The following DIDO1 variants were observed in gnomAD, a reference collection of about 807,000 sequenced individuals.
DIDO1 encodes the protein death inducer-obliterator 1.
DIDO1 carries 16 observed loss-of-function variants against 99.4 expected under a neutral mutation model. The ratio of observed to expected loss-of-function variants is 0.16; its 90% CI spans 0.11 to 0.24. The LOEUF (loss-of-function observed/expected upper bound fraction) is 0.24, where lower values mean the gene tolerates loss of function less well. Ranked by LOEUF, DIDO1 falls within the 10% of genes least tolerant of loss-of-function variation. The pLI is 1.00. For missense variants in DIDO1, 2,996 were observed against 3,014.0 expected, an observed-to-expected ratio of 0.99 and a Z score of 0.14; for synonymous variants, 1,366 against 1,239.1, an observed-to-expected ratio of 1.10 and a Z score of -2.15.
intron 4 of DIDO1, among the ~76,000 whole-genome samples, chr20:62,909,435 G>A (rs1019643553): frequency 2.0e-5 from 3 of 152,222 alleles, no homozygotes; most frequent in Non-Finnish European, 2.9e-5. Flanking sequence ...ATTCCTTTCT[G>A]CTAATGCATA....
intron 6 of DIDO1, chr20:62,905,275 G>A: frequency 1.5e-6 from 2 of 1,371,712 alleles, no homozygotes; most frequent in Non-Finnish European, 1.9e-6. Context: ...CTATGAAGCA[G>A]GAGTGTGTGG....
chr20:62,935,601 A>G (rs1443206273), intron 1 of DIDO1, among the ~76,000 whole-genome samples: 3 of 152,198 alleles, frequency 2.0e-5, no homozygotes, highest in Non-Finnish European at 4.4e-5. Context: ...TAGGGCCCAG[A>G]CTGAGAGCAC....
chr20:62,888,970 G>A, intron 15 of DIDO1: 3 of 985,480 alleles, frequency 3.0e-6, no homozygotes, highest in Non-Finnish European at 3.6e-6. Flanking sequence ...CTTGCCCTGT[G>A]TTACTTTACC....
intron 15 of DIDO1, among the ~76,000 whole-genome samples, chr20:62,885,415 C>T (rs746250802): frequency 6.6e-5 from 10 of 152,180 alleles, no homozygotes; most frequent in Non-Finnish European, 1.2e-4. Context: ...TACGTGGTCC[C>T]GTCTCGTGGT....
chr20:62,919,678 AC>A (rs1216871574), intron 1 of DIDO1, among the ~76,000 whole-genome samples: 1 of 152,244 alleles, frequency 6.6e-6, no homozygotes, highest in Non-Finnish European at 1.5e-5. Flanking sequence ...ATACGCGGAG[AC>A]AAAAAGCAAA....
chr20:62,906,955 T>C (rs1446798643), intron 5 of DIDO1, among the ~76,000 whole-genome samples, 192 bp downstream of exon 5: 1 of 152,216 alleles, frequency 6.6e-6, no homozygotes, highest in African/African-American at 2.4e-5. Flanking sequence ...GCACTTGTGT[T>C]AATTAACCCC....
Position 62,896,557 on chromosome 20 carries a change from G to A in DIDO1, c.2028C>T (p.Arg676=), listed in dbSNP as rs905779381. Residue 676 remains arginine (R), a synonymous_variant, in exon 7 of 16, where the codon CGC becomes CGT. Transcript: ENST00000395343. The surrounding 1 kb of genome is among the most constrained non-coding windows in gnomAD (Gnocchi z 4.4). ...PNSQIRQNIR[R]SLKEILWKRV... ...TTTTCCACAAAATCTCTTTTAAGGA[G>A]CGTCTGATATTTTGCCGAATTTGTG... 1 of 1,591,284 alleles carries A rather than the reference G, an allele frequency of 6.3e-7. No homozygotes were observed. Among genetic ancestry groups the A allele is most frequent in the Non-Finnish European group, 8.5e-7 (1 of 1,169,810 alleles).
chr20:62,909,786 C>T lies in DIDO1; in HGVS notation c.1074G>A (p.Gln358=). 6.2e-7 allele frequency: 1 copy of T among 1,614,272 alleles called. No homozygotes were observed. Among genetic ancestry groups the T allele is most frequent in the Non-Finnish European group, 8.5e-7 (1 of 1,180,046 alleles). The change falls in exon 4 of 16, where the codon CAG becomes CAA. Residue 358 remains glutamine (Q), a synonymous_variant. Coordinates refer to ENST00000395343, the MANE Select transcript of DIDO1 (RefSeq NM_001193369.2). ...TTATCCCTTGGTCTTCGCTAGACTT[C>T]TGCTCTATTGTTCCTATACTTGTAC... ...TDCTSIGTIE[Q]KSSEDQGIKG...
intron 1 of DIDO1, among the ~76,000 whole-genome samples, chr20:62,917,693 A>G (rs554158332): frequency 1.3e-5 from 2 of 152,350 alleles, no homozygotes; most frequent in South Asian, 4.1e-4. Context: ...AAAAAGATGT[A>G]TGTTTGCGGG....
upstream of DIDO1, among the ~76,000 whole-genome samples, chr20:62,927,906 G>C (rs775437961): frequency 2.6e-5 from 4 of 152,176 alleles, no homozygotes; most frequent in African/African-American, 9.7e-5. Flanking sequence ...TTGCAAAGAG[G>C]GCTTTTTGCT....
chr20:62,906,442 G>A (rs989728406), intron 5 of DIDO1, among the ~76,000 whole-genome samples: 2 of 152,204 alleles, frequency 1.3e-5, no homozygotes, highest in African/African-American at 4.8e-5. Flanking sequence ...GGAGGAGTGC[G>A]GCAATGAACC....
At position 62,878,883 on chromosome 20, in the gene DIDO1, A is replaced by T; in HGVS notation, c.*350T>A. The T allele has an allele frequency of 5.4e-6, 1 of 183,644 alleles. No individual in the cohort carries two copies. The highest frequency in any genetic ancestry group is 1.1e-5 in the Non-Finnish European group (1 of 89,672). The allele number at this position is 183,644 out of a possible 1,614,324, so 11.4% of individuals were successfully genotyped here. A position where few individuals can be genotyped will look rare whatever the true frequency, so the allele number is the denominator to read the frequency against. ...GTAAAAGCAGCTTTTGGAAACACAA[A>T]CGGATGAGATGTCAGTGAAGGTATG... On this transcript the variant is annotated 3_prime_UTR_variant, in exon 16 of 16. Transcript: ENST00000395343.
chr20:62,910,341 T>C (rs1038407269), intron 3 of DIDO1, among the ~76,000 whole-genome samples: 9 of 152,178 alleles, frequency 5.9e-5, no homozygotes, highest in Admixed American at 6.5e-5. Flanking sequence ...TGACACCCAG[T>C]CCTAGCAGAG....
chr20:62,914,491 G>A (rs951976511), intron 1 of DIDO1, 85 bp from the exon 2 acceptor site: 2 of 152,250 alleles, frequency 1.3e-5, no homozygotes, highest in African/African-American at 4.8e-5. Flanking sequence ...AACTTCTCAA[G>A]TAACCTATTA....
chr20:62,903,215 A>ATT (rs1174470399), intron 6 of DIDO1, among the ~76,000 whole-genome samples: 1 of 152,246 alleles, frequency 6.6e-6, no homozygotes, highest in African/African-American at 2.4e-5. Context: ...GGACCTACTG[A>ATT]TATCTTAGCA....
upstream of DIDO1, among the ~76,000 whole-genome samples, chr20:62,928,280 C>T (rs2065286682): frequency 6.6e-6 from 1 of 152,120 alleles, no homozygotes; most frequent in Non-Finnish European, 1.5e-5. Flanking sequence ...ACAAGAGAAC[C>T]AAGAGGAAGA....
At chr20:62,883,609 GA>G (rs1315912020) in intron 15 of DIDO1, among the ~76,000 whole-genome samples, 3 of 152,076 alleles carry the variant, frequency 2.0e-5, no homozygotes, top group African/African-American at 7.2e-5. Flanking sequence ...GGCGGATCAT[GA>G]GGTCAAGAGA....
rs2064222176 is a variant in DIDO1, at chr20:62,882,275, G to C, written c.3681C>G (p.Ala1227=). 2 of 1,613,896 alleles carry C rather than the reference G, an allele frequency of 1.2e-6. No individual in the cohort carries two copies. The highest frequency in any genetic ancestry group is 1.6e-4 in the Middle Eastern group (1 of 6,084). Residue 1227 remains alanine (A), a synonymous_variant, in exon 16 of 16, where the codon GCC becomes GCG. Coordinates refer to ENST00000395343, the MANE Select transcript of DIDO1 (RefSeq NM_001193369.2). ...RLQPEEADVP[A]YPKVATVPQS... Reference sequence around the variant, plus strand: ...GCGGGACTGTGGCTACTTTTGGATAGGCCGGAACGTCCGCTTCTTCCGGTT... The same window carrying C: ...GCGGGACTGTGGCTACTTTTGGATACGCCGGAACGTCCGCTTCTTCCGGTT...
At position 62,879,291 on chromosome 20, in the gene DIDO1, C is replaced by T. The variant is rs1338115193; in HGVS notation, c.6665G>A (p.Arg2222Gln). Reference sequence around the variant, plus strand: ...CCTCGAGGCCTCGGGCTTCGGGTCCCGAGCGCTCTCTTTGCTCTTGCTCCG... The same window carrying T: ...CCTCGAGGCCTCGGGCTTCGGGTCCTGAGCGCTCTCTTTGCTCTTGCTCCG... ...KDRSKSKESA[R>Q]DPKPEASRAS... Residue 2222 changes from arginine to glutamine, a missense_variant, in exon 16 of 16, where the codon CGG becomes CAG. This residue lies in a region of DIDO1 where 1,562 missense variants were observed against 1,412.6 expected (regional missense o/e 1.11). Coordinates refer to ENST00000395343, the MANE Select transcript of DIDO1 (RefSeq NM_001193369.2). The surrounding 1 kb of genome is among the most constrained non-coding windows in gnomAD (Gnocchi z 6.3). The T allele has an allele frequency of 3.2e-6, 5 of 1,579,630 alleles. No individual in the cohort carries two copies. The highest frequency in any genetic ancestry group is 4.3e-6 in the Non-Finnish European group (5 of 1,165,438).
Sources: allele counts gnomAD v4.1 joint callset (sites outside exome capture counted in the v4.1 genomes callset), GRCh38; gene constraint gnomAD v4.1.1; regional missense constraint gnomAD v4.1.1; non-coding constraint Gnocchi (gnomAD v3.1); transcripts MANE v1.5; gene names NCBI Gene and HGNC (gene_info 2026-07-23, HGNC 2026-07-21).